Variants in PGBD5 observed in about 807,000 individuals in gnomAD.
PGBD5 encodes piggyBac transposable element derived 5.
A neutral mutation model predicts 47.9 loss-of-function variants in PGBD5; 14 were observed. That is an observed-to-expected ratio of 0.29 (90% CI 0.19 to 0.46). The LOEUF is 0.46. Among genes scored for constraint, PGBD5 ranks in the 20% least tolerant of loss-of-function variants. The pLI, the probability that PGBD5 is intolerant of heterozygous loss-of-function variation, is 1.00. For missense variants in PGBD5, 635 were observed against 716.0 expected (o/e 0.89, Z 1.29); for synonymous variants, 316 against 306.3 (o/e 1.03, Z -0.33).
chr1:230,319,702 G>A lies in PGBD5; in HGVS notation c.*3723C>T, dbSNP rs1475477316. On this transcript the variant is annotated 3_prime_UTR_variant, in exon 7 of 7. Transcript: ENST00000391860. ...GAGTTAACTCAATTTTGGTGACCAAGCCTCATCTGATTTAGTCAGTACTGG... is the reference window on the plus strand; with the variant it reads ...GAGTTAACTCAATTTTGGTGACCAAACCTCATCTGATTTAGTCAGTACTGG... 1 of 152,166 alleles carries A rather than the reference G, an allele frequency of 6.6e-6. No homozygotes were observed. The highest frequency in any genetic ancestry group is 1.5e-5 in the Non-Finnish European group (1 of 68,060). The allele number at this position is 152,166 out of a possible 1,614,324, so 9.4% of individuals were successfully genotyped here. A position where few individuals can be genotyped will look rare whatever the true frequency, so the allele number is the denominator to read the frequency against.
rs114266407 is a variant in PGBD5, at chr1:230,373,086, G to A, written c.332-15765C>T. Among the ~76,000 whole-genome samples the A allele has an allele frequency of 5.0e-3, 767 of 152,336 alleles. 6 individuals are homozygous for A. The highest frequency in any genetic ancestry group is 0.018 in the African/African-American group (742 of 41,566). On this transcript the variant is annotated intron_variant, in intron 1 of 6. Transcript: ENST00000391860. ...CTTCCTAAATCACTCCAGTGGTAAG[G>A]TGAGAACAGAGTGGCCGCTAGGTAT...
intron 5 of PGBD5, among the ~76,000 whole-genome samples, chr1:230,327,740 G>A (rs994909453): frequency 1.7e-4 from 26 of 152,208 alleles, no homozygotes; most frequent in Non-Finnish European, 4.4e-5. Flanking sequence ...GAGGGCGTGC[G>A]GGCCTGCAGT....
chr1:230,370,274 C>T (rs1667908706), intron 1 of PGBD5, among the ~76,000 whole-genome samples: 1 of 152,194 alleles, frequency 6.6e-6, no homozygotes, highest in South Asian at 2.1e-4. Flanking sequence ...CTTCACATTC[C>T]CCATGGAAAC....
At chr1:230,328,058 C>A (rs900298125) in intron 5 of PGBD5, among the ~76,000 whole-genome samples, 2 of 152,148 alleles carry the variant, frequency 1.3e-5, no homozygotes, top group Non-Finnish European at 2.9e-5. Flanking sequence ...ACTCAGGATG[C>A]CCCGCTCTGA....
intron 5 of PGBD5, among the ~76,000 whole-genome samples, chr1:230,326,145 C>T (rs1020637441): frequency 2.3e-3 from 343 of 152,356 alleles, no homozygotes; most frequent in African/African-American, 7.8e-3. Context: ...AGGCTGCGCA[C>T]GGTGGCTCAC....
chr1:230,380,022 T>C (rs951946537), intron 1 of PGBD5, among the ~76,000 whole-genome samples: 2 of 152,252 alleles, frequency 1.3e-5, no homozygotes, highest in Non-Finnish European at 2.9e-5. Flanking sequence ...TTATCTACTG[T>C]GCAGAGCTGG....
chr1:230,424,526 G>A (rs1657728918), intron 1 of PGBD5, among the ~76,000 whole-genome samples: 1 of 152,200 alleles, frequency 6.6e-6, no homozygotes, highest in Non-Finnish European at 1.5e-5. Flanking sequence ...CCAGATCCAA[G>A]TCCAGGCACC....
chr1:230,326,358 C>T (rs988398108), intron 5 of PGBD5, among the ~76,000 whole-genome samples: 7 of 152,182 alleles, frequency 4.6e-5, no homozygotes, highest in Admixed American at 1.3e-4. Context: ...GCCGAGGTTG[C>T]GGTTTGCTGA....
chr1:230,393,922 C>G (rs1056521447), intron 1 of PGBD5, among the ~76,000 whole-genome samples: 1 of 152,102 alleles, frequency 6.6e-6, no homozygotes, highest in Non-Finnish European at 1.5e-5. Flanking sequence ...ACTGGCTCCC[C>G]GCCCTAGAGT....
In PGBD5 at chr1:230,319,503, C is replaced by G. The variant is rs542653459; in HGVS notation, c.*3922G>C. 11 of 152,118 alleles carry G rather than the reference C, an allele frequency of 7.2e-5. No individual in the cohort carries two copies. The highest frequency in any genetic ancestry group is 2.7e-4 in the African/African-American group (11 of 41,412). 9.4% of individuals were successfully genotyped at this position (152,118 alleles called of 1,614,324 possible). A position where few individuals can be genotyped will look rare whatever the true frequency, so the allele number is the denominator to read the frequency against. On this transcript the variant is annotated 3_prime_UTR_variant, in exon 7 of 7. Transcript: ENST00000391860. ...TAGTTGCAAGGCCCCATGGCCCTCC[C>G]GGGTTTGCCCTGCTTCCTCTCAGCC...
intron 5 of PGBD5, 66 bp from the exon 6 acceptor site, chr1:230,325,481 GC>G (rs1431579424): frequency 2.6e-6 from 3 of 1,143,524 alleles, no homozygotes; most frequent in East Asian, 4.8e-5. Flanking sequence ...TTATAAATGT[GC>G]CTATCTTCGT....
At chr1:230,359,124 C>G (rs1471708927) in intron 1 of PGBD5, among the ~76,000 whole-genome samples, 5 of 151,746 alleles carry the variant, frequency 3.3e-5, no homozygotes. Context: ...TGCACTGGTG[C>G]AATCTCAGCT....
chr1:230,414,496 T>C (rs1657476630), intron 1 of PGBD5, among the ~76,000 whole-genome samples: 4 of 152,240 alleles, frequency 2.6e-5, no homozygotes, highest in African/African-American at 7.2e-5. Context: ...ACATTTATAA[T>C]ACAAGGTGTG....
At chr1:230,370,495 G>T (rs828440) in intron 1 of PGBD5, among the ~76,000 whole-genome samples, 2 of 152,040 alleles carry the variant, frequency 1.3e-5, no homozygotes, top group African/African-American at 2.4e-5. Context: ...TTTATGTGCA[G>T]GCTTGTGTTC....
intron 1 of PGBD5, among the ~76,000 whole-genome samples, chr1:230,373,826 CG>C (rs1327047932): frequency 6.6e-6 from 1 of 151,960 alleles, no homozygotes; most frequent in Non-Finnish European, 1.5e-5. Context: ...CCTTAGTTGC[CG>C]GAACTACAGA....
At chr1:230,375,947 C>G (rs1411057269) in intron 1 of PGBD5, among the ~76,000 whole-genome samples, 1 of 151,560 alleles carries the variant, frequency 6.6e-6, no homozygotes, top group Admixed American at 6.6e-5. Flanking sequence ...TGTGAGATGC[C>G]TCAGTCCGCC....
intron 5 of PGBD5, among the ~76,000 whole-genome samples, chr1:230,327,029 C>A (rs1667130379): frequency 6.6e-6 from 1 of 152,210 alleles, no homozygotes; most frequent in African/African-American, 2.4e-5. Context: ...CAAGCCACTG[C>A]TGGTCATTCT....
chr1:230,362,725 A>T (rs181479628), intron 1 of PGBD5, among the ~76,000 whole-genome samples: 57 of 152,286 alleles, frequency 3.7e-4, no homozygotes, highest in Admixed American at 3.7e-3. Context: ...CCTCGTATAC[A>T]GCATGTTTAC....
In PGBD5 at chr1:230,322,407, G is replaced by A. The variant is rs1667046817; in HGVS notation, c.*1018C>T. The A allele has an allele frequency of 6.6e-6, 1 of 152,294 alleles. No homozygotes were observed. The allele number at this position is 152,294 out of a possible 1,614,324, so 9.4% of individuals were successfully genotyped here. A position where few individuals can be genotyped will look rare whatever the true frequency, so the allele number is the denominator to read the frequency against. The stretch of plus-strand genomic sequence containing the variant: ...CCAGGGTCACTCACTACACACAGAG[G>A]AAAGACAATGAGCAAATGGCCATCG... On this transcript the variant is annotated 3_prime_UTR_variant, in exon 7 of 7. Coordinates refer to ENST00000391860, the MANE Select transcript of PGBD5 (RefSeq NM_001258311.2). This position sits in a 1 kb window ranked among gnomAD's most constrained non-coding sequence, Gnocchi z 5.9.
Sources: allele counts gnomAD v4.1 joint callset (sites outside exome capture counted in the v4.1 genomes callset), GRCh38; gene constraint gnomAD v4.1.1; non-coding constraint Gnocchi (gnomAD v3.1); transcripts MANE v1.5; gene names NCBI Gene and HGNC (gene_info 2026-07-23, HGNC 2026-07-21).